The following SDCCAG8 variants were observed in gnomAD, a reference collection of about 807,000 sequenced individuals.
SDCCAG8 encodes the protein SHH signaling and ciliogenesis regulator SDCCAG8.
SDCCAG8 carries 74 observed loss-of-function variants against 101.8 expected under a neutral mutation model. That is an observed-to-expected ratio of 0.73 (90% CI 0.60 to 0.88). The LOEUF (loss-of-function observed/expected upper bound fraction) is 0.88. Ranked by LOEUF, SDCCAG8 falls within the 40% of genes least tolerant of loss-of-function variation. The probability of loss-of-function intolerance (pLI) is 0.00; values close to 1 mark genes in which losing one functional copy is unlikely to be tolerated. For missense variants in SDCCAG8, 787 were observed against 822.6 expected (o/e 0.96, Z 0.53); for synonymous variants, 281 against 292.9 (o/e 0.96, Z 0.41).
At chr1:243,347,499 ATCTT>A (rs1458197992) in intron 12 of SDCCAG8, among the ~76,000 whole-genome samples, 1 of 152,222 alleles carries the variant, frequency 6.6e-6, no homozygotes, top group Non-Finnish European at 1.5e-5. Context: ...GTAAAATTTC[ATCTT>A]TCTTTGTTGT....
intron 13 of SDCCAG8, among the ~76,000 whole-genome samples, chr1:243,385,772 C>G (rs1049839241): frequency 4.0e-5 from 6 of 151,878 alleles, no homozygotes; most frequent in African/African-American, 1.5e-4. Flanking sequence ...GAGTTCGAGA[C>G]CAGCCTGACC....
rs544802769 is a variant in SDCCAG8 at position 243,383,411 on chromosome 1, T to C, written c.1616+4548T>C. On this transcript the variant is annotated intron_variant, in intron 13 of 17. Transcript: ENST00000366541. Reference sequence around the variant, plus strand: ...AGGTGAGGCTAGATGATTTATAAGTTTCCTTCCAGTTCTGATAATCAATGA... The same window carrying C: ...AGGTGAGGCTAGATGATTTATAAGTCTCCTTCCAGTTCTGATAATCAATGA... Among the ~76,000 whole-genome samples the C allele has an allele frequency of 3.7e-4, 57 of 152,336 alleles. 1 individual carries two copies. The South Asian group carries it at 0.012, about 32-fold the overall frequency.
chr1:243,422,901 G>A (rs558529067), intron 15 of SDCCAG8, among the ~76,000 whole-genome samples: 105 of 152,240 alleles, frequency 6.9e-4, no homozygotes, highest in African/African-American at 2.5e-3. Flanking sequence ...GAAATTGCCT[G>A]AATTTTCTAT....
chr1:243,499,276 A>C (rs1392393844), intron 17 of SDCCAG8, among the ~76,000 whole-genome samples: 2 of 152,226 alleles, frequency 1.3e-5, no homozygotes, highest in Non-Finnish European at 2.9e-5. Flanking sequence ...AGGTTACAAT[A>C]AATTGCTTGC....
chr1:243,424,658 T>A (rs1275727739), intron 15 of SDCCAG8, among the ~76,000 whole-genome samples: 1 of 152,032 alleles, frequency 6.6e-6, no homozygotes, highest in East Asian at 1.9e-4. Context: ...AAGCTCCTGT[T>A]GATAGATTTC....
intron 2 of SDCCAG8, 127 bp downstream of exon 2, chr1:243,270,384 T>A: frequency 1.0e-6 from 1 of 994,938 alleles, no homozygotes; most frequent in South Asian, 1.4e-5. Context: ...AATCAGATAA[T>A]TTAATTCCCT....
chr1:243,446,391 C>T (rs1242180514), intron 16 of SDCCAG8, among the ~76,000 whole-genome samples: 2 of 152,078 alleles, frequency 1.3e-5, no homozygotes, highest in Non-Finnish European at 2.9e-5. Context: ...CTCAGCCTCC[C>T]GAGTAGCTGG....
chr1:243,452,797 T>C (rs773705120), intron 16 of SDCCAG8, among the ~76,000 whole-genome samples: 3 of 152,206 alleles, frequency 2.0e-5, no homozygotes, highest in Non-Finnish European at 4.4e-5. Context: ...TAAAACTTAA[T>C]GTTTACTTAT....
intron 13 of SDCCAG8, among the ~76,000 whole-genome samples, chr1:243,383,379 T>C (rs1450329310): frequency 6.6e-6 from 1 of 152,214 alleles, no homozygotes; most frequent in African/African-American, 2.4e-5. Flanking sequence ...TATGTACCTA[T>C]AAAATGAGGT....
At chr1:243,455,265 C>G (rs1024476285) in intron 16 of SDCCAG8, among the ~76,000 whole-genome samples, 1 of 152,024 alleles carries the variant, frequency 6.6e-6, no homozygotes, top group East Asian at 1.9e-4. Context: ...TTCCATCTAT[C>G]TTTATTTTTG....
chr1:243,389,797 C>T (rs2078588177), intron 13 of SDCCAG8, among the ~76,000 whole-genome samples: 1 of 152,052 alleles, frequency 6.6e-6, no homozygotes. Flanking sequence ...GGTTGGGCAT[C>T]CAGGAGGGAG....
At chr1:243,358,703 A>T (rs1428135970) in intron 12 of SDCCAG8, among the ~76,000 whole-genome samples, 1 of 152,158 alleles carries the variant, frequency 6.6e-6, no homozygotes, top group Non-Finnish European at 1.5e-5. Context: ...CAATACCCCA[A>T]ATGTCTATCA....
At chr1:243,268,082 A>G in intron 1 of SDCCAG8, 1 of 738,596 alleles carries the variant, frequency 1.4e-6, no homozygotes, top group Non-Finnish European at 2.5e-6. Flanking sequence ...CGTTTGCTTC[A>G]TGGTTGTATA....
chr1:243,456,917 G>T (rs1166188640), intron 16 of SDCCAG8, among the ~76,000 whole-genome samples: 1 of 152,114 alleles, frequency 6.6e-6, no homozygotes, highest in Admixed American at 6.5e-5. Context: ...AAGAACATTT[G>T]TTTTTAAGGG....
intron 12 of SDCCAG8, among the ~76,000 whole-genome samples, chr1:243,358,932 T>C (rs972498438): frequency 1.3e-5 from 2 of 152,144 alleles, no homozygotes; most frequent in African/African-American, 4.8e-5. Context: ...ACAGAAAGAT[T>C]AGTGATTGTC....
chr1:243,362,752 C>G (rs575636071), intron 12 of SDCCAG8, among the ~76,000 whole-genome samples: 14 of 152,340 alleles, frequency 9.2e-5, no homozygotes, highest in East Asian at 5.8e-4. Context: ...CTAGTTTGAA[C>G]TGCCCAGTGC....
chr1:243,419,571 G>A (rs1049436626), intron 15 of SDCCAG8, among the ~76,000 whole-genome samples: 2 of 152,082 alleles, frequency 1.3e-5, no homozygotes, highest in Non-Finnish European at 2.9e-5. Context: ...AAAGGTGCTT[G>A]GTATGTTATT....
intron 15 of SDCCAG8, among the ~76,000 whole-genome samples, chr1:243,420,375 AT>A (rs956111872): frequency 1.3e-4 from 20 of 152,184 alleles, no homozygotes; most frequent in Non-Finnish European, 4.4e-5. Flanking sequence ...AGCTGCTATT[AT>A]TTTCACTGGT....
At chr1:243,478,684 G>T (rs1488147715) in intron 16 of SDCCAG8, among the ~76,000 whole-genome samples, 1 of 152,110 alleles carries the variant, frequency 6.6e-6, no homozygotes, top group Non-Finnish European at 1.5e-5. Context: ...CACTAAAAGT[G>T]CGTTAATGTC....
Sources: allele counts gnomAD v4.1 joint callset (sites outside exome capture counted in the v4.1 genomes callset), GRCh38; gene constraint gnomAD v4.1.1; transcripts MANE v1.5; gene names NCBI Gene and HGNC (gene_info 2026-07-23, HGNC 2026-07-21).